NMRAL1: variants seen among roughly 807,000 people sequenced by gnomAD.
NMRAL1 encodes the protein NmrA like redox sensor 1.
Under a neutral mutation model 27.5 loss-of-function variants are expected in NMRAL1, and 32 were observed. The ratio of observed to expected loss-of-function variants is 1.16; its 90% CI spans 0.88 to 1.56. NMRAL1 has a LOEUF of 1.56. Among genes scored for constraint, NMRAL1 ranks in the 40% most tolerant of loss-of-function variants. The probability of loss-of-function intolerance (pLI) is 0.00; values close to 1 mark genes in which losing one functional copy is unlikely to be tolerated. For missense variants in NMRAL1, 420 were observed against 392.0 expected, an observed-to-expected ratio of 1.07 and a Z score of -0.60; for synonymous variants, 166 against 166.8, an observed-to-expected ratio of 1.00 and a Z score of 0.04.
intron 4 of NMRAL1, among the ~76,000 whole-genome samples, chr16:4,465,629 C>G (rs1320012179): frequency 6.6e-6 from 1 of 152,136 alleles, no homozygotes; most frequent in East Asian, 1.9e-4. Context: ...TGCAGTGGCA[C>G]AATCTCAGCT....
chr16:4,467,617 G>A (rs796113944), intron 3 of NMRAL1, among the ~76,000 whole-genome samples: 9 of 151,830 alleles, frequency 5.9e-5, no homozygotes, highest in African/African-American at 1.9e-4. Flanking sequence ...ATCGATTTCT[G>A]TGGTTTTTGT....
At chr16:4,473,256 A>G (rs534963074) in intron 2 of NMRAL1, among the ~76,000 whole-genome samples, 1 of 152,156 alleles carries the variant, frequency 6.6e-6, no homozygotes, top group Non-Finnish European at 1.5e-5. Context: ...GGGTTGAGCC[A>G]CTGCACCTGG....
intron 5 of NMRAL1, among the ~76,000 whole-genome samples, chr16:4,462,958 G>A (rs1432293611): frequency 6.6e-6 from 1 of 151,714 alleles, no homozygotes; most frequent in Non-Finnish European, 1.5e-5. Flanking sequence ...GAGTTCAAGC[G>A]ATTCTCTTGC....
chr16:4,466,529 T>A, intron 3 of NMRAL1, 127 bp from the exon 4 acceptor site: 1 of 831,038 alleles, frequency 1.2e-6, no homozygotes, highest in Non-Finnish European at 1.9e-6. Context: ...CCACTTACCC[T>A]TGAGGAGGCC....
intron 2 of NMRAL1, among the ~76,000 whole-genome samples, chr16:4,470,871 CAGG>C (rs2057537772): frequency 6.6e-6 from 1 of 151,184 alleles, no homozygotes; most frequent in Admixed American, 6.6e-5. Flanking sequence ...GGCATGAACC[CAGG>C]AGGTGGAGCT....
In NMRAL1 at chr16:4,461,871, C is replaced by T. The variant is rs781112929; in HGVS notation, c.809G>A (p.Arg270His). The T allele has an allele frequency of 2.5e-6, 4 of 1,614,162 alleles. No homozygotes were observed. The highest frequency in any genetic ancestry group is 1.7e-5 in the Admixed American group (1 of 60,016). ...MFRFYALRPD[R>H]DIELTLRLNP... ...GAGTCTCAGGGTCAGCTCGATGTCACGGTCGGGTCTCAGGGCATAGAAACG... is the reference window on the plus strand; with the variant it reads ...GAGTCTCAGGGTCAGCTCGATGTCATGGTCGGGTCTCAGGGCATAGAAACG... The change falls in exon 6 of 6, where the codon CGT becomes CAT. Residue 270 changes from arginine to histidine, a missense_variant. Physicochemically the swap from Arg to His is conservative, Grantham distance 29. Coordinates refer to ENST00000283429, the MANE Select transcript of NMRAL1 (RefSeq NM_020677.6).
chr16:4,466,073 A>T, intron 4 of NMRAL1, 80 bp downstream of exon 4: 1 of 1,545,442 alleles, frequency 6.5e-7, no homozygotes. Flanking sequence ...GCACCACGTG[A>T]CAGCGGCCCG....
rs756249342 is a variant in NMRAL1 at position 4,466,364 on chromosome 16, G to T, written c.318C>A (p.Leu106=). 1.2e-6 allele frequency: 2 copies of T among 1,613,352 alleles called. No individual in the cohort carries two copies. Among genetic ancestry groups the T allele is most frequent in the Non-Finnish European group, 1.7e-6 (2 of 1,180,016 alleles). Residue 106 remains leucine, a synonymous_variant, in exon 4 of 6, where the codon CTC becomes CTA. Coordinates refer to ENST00000283429, the MANE Select transcript of NMRAL1 (RefSeq NM_020677.6). Reference sequence around the variant, plus strand: ...CCAGGCCGCTGTAGACCACATAGTGGAGGCCCAGGCGCCTGGCCAGATCAG... The same window carrying T: ...CCAGGCCGCTGTAGACCACATAGTGTAGGCCCAGGCGCCTGGCCAGATCAG... ...LLADLARRLG[L]HYVVYSGLEN...
At chr16:4,474,897 C>T (rs2057771622), upstream of NMRAL1, 1 of 152,210 alleles carries the variant, frequency 6.6e-6, no homozygotes, top group South Asian at 2.1e-4. Flanking sequence ...TGAGTCTTAT[C>T]CCTTGAGGCC....
intron 2 of NMRAL1, among the ~76,000 whole-genome samples, chr16:4,470,157 C>CTTGG (rs2057503053): frequency 9.3e-6 from 1 of 107,858 alleles, no homozygotes. Flanking sequence ...GTGAGATTCC[C>CTTGG]TCTCAAAAAA....
intron 2 of NMRAL1, 51 bp downstream of exon 2, chr16:4,474,042 A>G (rs753682766): frequency 6.7e-7 from 1 of 1,500,832 alleles, no homozygotes; most frequent in African/African-American, 1.4e-5. Context: ...GGCGGTCTTC[A>G]GGGCTAGGCG....
intron 1 of NMRAL1, 66 bp from the exon 2 acceptor site, chr16:4,474,232 C>T: frequency 3.3e-6 from 4 of 1,203,068 alleles, no homozygotes; most frequent in South Asian, 1.3e-5. Context: ...CGACAAAGGA[C>T]ACCCCCATTG....
Position 4,463,809 on chromosome 16 carries a change from A to G in NMRAL1, c.571T>C (p.Ser191Pro). ...CTGAGCACCACAGGACCCAGGTCAG[A>G]CACGGACATGCCATCCATGGGAACG... is the stretch of plus-strand genomic sequence containing the variant. ...GDVPMDGMSV[S>P]DLGPVVLSLL... The change falls in exon 5 of 6, where the codon TCT (serine) becomes CCT (proline). Residue 191 changes from serine (S) to proline (P), a missense_variant. Physicochemically the swap from Ser to Pro is moderately conservative, Grantham distance 74. Coordinates refer to ENST00000283429, the MANE Select transcript of NMRAL1 (RefSeq NM_020677.6). 6.2e-7 allele frequency: 1 copy of G among 1,613,964 alleles called. No homozygotes were observed. Among genetic ancestry groups the G allele is most frequent in the Non-Finnish European group, 8.5e-7 (1 of 1,179,942 alleles).
At chr16:4,467,487 G>C (rs1014438011) in intron 3 of NMRAL1, among the ~76,000 whole-genome samples, 1 of 151,972 alleles carries the variant, frequency 6.6e-6, no homozygotes, top group Non-Finnish European at 1.5e-5. Flanking sequence ...GCCCACCTCA[G>C]CCTCCCAAAG....
rs1273508248 is a variant in NMRAL1, at chr16:4,463,643, T to A, written c.720+17A>T. 1 of 1,611,420 alleles carries A rather than the reference T, an allele frequency of 6.2e-7. No individual in the cohort carries two copies. On this transcript the variant is annotated intron_variant, in intron 5 of 5. Transcript: ENST00000283429. ...CCCTGACAAGGATGCCTGAGTCACC[T>A]GGGGCGGGAGGCCCACCTTGGCATC...
In NMRAL1 at chr16:4,469,595, C is replaced by G. The variant is rs535700654; in HGVS notation, c.41-130G>C. On this transcript the variant is annotated intron_variant, in intron 2 of 5. Transcript: ENST00000283429. ...AACCTTCTCAACGACGATTCTCATTCAGGTATTTTTATTTTCTTTATTTTA... is the reference window on the plus strand; with the variant it reads ...AACCTTCTCAACGACGATTCTCATTGAGGTATTTTTATTTTCTTTATTTTA... 3.7e-5 allele frequency: 56 copies of G among 1,511,416 alleles called. No individual in the cohort carries two copies. The African/African-American group carries it at 6.0e-4, about 16-fold the overall frequency. The allele number at this position is 1,511,416 out of a possible 1,614,324, so 93.6% of individuals were successfully genotyped here. A position where few individuals can be genotyped will look rare whatever the true frequency, so the allele number is the denominator to read the frequency against.
intron 4 of NMRAL1, among the ~76,000 whole-genome samples, chr16:4,465,952 T>G (rs2057305938): frequency 6.6e-6 from 1 of 152,150 alleles, no homozygotes; most frequent in Non-Finnish European, 1.5e-5. Context: ...TTGCCACCCC[T>G]GCAAACATTG....
intron 5 of NMRAL1, among the ~76,000 whole-genome samples, chr16:4,463,014 C>G (rs1362738644): frequency 6.6e-6 from 1 of 151,954 alleles, no homozygotes; most frequent in Non-Finnish European, 1.5e-5. Context: ...GCCACCACAC[C>G]CGGCTAATTT....
intron 4 of NMRAL1, among the ~76,000 whole-genome samples, chr16:4,465,730 C>T (rs989823890): frequency 6.6e-6 from 1 of 152,040 alleles, no homozygotes; most frequent in Admixed American, 6.6e-5. Flanking sequence ...CCACGCCCAG[C>T]TAATTTTTGT....
Sources: allele counts gnomAD v4.1 joint callset (sites outside exome capture counted in the v4.1 genomes callset), GRCh38; gene constraint gnomAD v4.1.1; transcripts MANE v1.5; gene names NCBI Gene and HGNC (gene_info 2026-07-23, HGNC 2026-07-21).